Variants in ASPHD2 observed in about 807,000 individuals in gnomAD.
ASPHD2 encodes the protein aspartate beta-hydroxylase domain containing 2.
A neutral mutation model predicts 34.6 loss-of-function variants in ASPHD2; 12 were observed. The ratio of observed to expected loss-of-function variants is 0.35; its 90% CI spans 0.22 to 0.56. The LOEUF is 0.56. Ranked by LOEUF, ASPHD2 falls within the 20% of genes least tolerant of loss-of-function variation. ASPHD2 has a pLI of 0.87. For synonymous variants in ASPHD2, 224 were observed against 212.2 expected, an observed-to-expected ratio of 1.06 and a Z score of -0.48; for missense variants, 375 against 505.0, an observed-to-expected ratio of 0.74 and a Z score of 2.47.
intron 2 of ASPHD2, among the ~76,000 whole-genome samples, chr22:26,435,750 G>GAA (rs944638695): frequency 1.7e-5 from 1 of 59,488 alleles, no homozygotes; most frequent in African/African-American, 6.9e-5. Flanking sequence ...GAAAAGAAAA[G>GAA]AAAAGAAAAG....
At position 26,433,621 on chromosome 22, in the gene ASPHD2, G is replaced by A; in HGVS notation, c.6G>A (p.Val2=). 6.2e-7 allele frequency: 1 copy of A among 1,613,346 alleles called. No individual in the cohort carries two copies. The highest frequency in any genetic ancestry group is 2.2e-5 in the East Asian group (1 of 44,844). The change falls in exon 2 of 4, where the codon GTG becomes GTA. Residue 2 remains valine (V), a synonymous_variant. Transcript: ENST00000215906. The surrounding 1 kb of genome is among the most constrained non-coding windows in gnomAD (Gnocchi z 5.1). M[V]WAPLGPPRTD... is the part of the protein sequence containing the mutation. ...TCCCCCCCACGCTAATCTGCATGGT[G>A]TGGGCGCCCTTGGGACCCCCGAGGA... is the stretch of plus-strand genomic sequence containing the variant.
In ASPHD2 at chr22:26,438,644, T is replaced by C. The variant is rs374813588; in HGVS notation, c.887-3815T>C. On this transcript the variant is annotated intron_variant, in intron 2 of 3. Transcript: ENST00000215906. ...ACACACATATATATACATATATATATACACATACATATATATATATACACA... is the reference window on the plus strand; with the variant it reads ...ACACACATATATATACATATATATACACACATACATATATATATATACACA... 7.1e-3 allele frequency among the ~76,000 whole-genome samples: 668 copies of C among 94,228 alleles called. 9 individuals carry two copies. The highest frequency in any genetic ancestry group is 8.9e-3 in the Non-Finnish European group (416 of 46,820). The allele number at this position is 94,228 out of a possible 152,430, so 61.8% of individuals were successfully genotyped here.
At chr22:26,434,877 C>T (rs1409638066) in intron 2 of ASPHD2, among the ~76,000 whole-genome samples, 1 of 152,162 alleles carries the variant, frequency 6.6e-6, no homozygotes, top group Non-Finnish European at 1.5e-5. Context: ...ACACATACGG[C>T]TAGTGGCTAC....
chr22:26,438,516 C>CATATATACACATAT (rs2084810061), intron 2 of ASPHD2, among the ~76,000 whole-genome samples: 1 of 102,140 alleles, frequency 9.8e-6, no homozygotes, highest in African/African-American at 3.5e-5. Context: ...TATATACATA[C>CATATATACACATAT]ATATATATAC....
rs771020466 is a variant in ASPHD2, at chr22:26,442,473, A to G, written c.901A>G (p.Asn301Asp). The change falls in exon 3 of 4, where the codon AAT becomes GAT. Residue 301 changes from asparagine to aspartate, a missense_variant. Asn to Asp is a conservative substitution (Grantham distance 23). This residue lies in a region of ASPHD2 where 142 missense variants were observed against 217.9 expected (regional missense o/e 0.65). Coordinates refer to ENST00000215906, the MANE Select transcript of ASPHD2 (RefSeq NM_020437.5). Reference sequence around the variant, plus strand: ...TTTCCTACAAGGTCTGAAAACTCCAAATGGCTGTGAGCTGGTGGTGGGGGG... The same window carrying G: ...TTTCCTACAAGGTCTGAAAACTCCAGATGGCTGTGAGCTGGTGGTGGGGGG... Reference protein sequence around the residue: ...IRCHLGLKTPNGCELVVGGEP... With the variant: ...IRCHLGLKTPDGCELVVGGEP... 1 of 1,597,294 alleles carries G rather than the reference A, an allele frequency of 6.3e-7. No homozygotes were observed. The highest frequency in any genetic ancestry group is 2.2e-5 in the East Asian group (1 of 44,558).
chr22:26,440,366 G>A (rs957739932), intron 2 of ASPHD2, among the ~76,000 whole-genome samples: 2 of 151,782 alleles, frequency 1.3e-5, no homozygotes, highest in Admixed American at 1.3e-4. Context: ...GCAGTGGTGC[G>A]ATTCGCCCAG....
rs73160848 is a variant in ASPHD2 at position 26,429,810 on chromosome 22, C to T, written c.-225+324C>T. On this transcript the variant is annotated intron_variant, in intron 1 of 3. Coordinates refer to ENST00000215906, the MANE Select transcript of ASPHD2 (RefSeq NM_020437.5). This position sits in a 1 kb window ranked among gnomAD's most constrained non-coding sequence, Gnocchi z 4.5. ...TTCTCCCCTGTGACCCCTCTTTCCT[C>T]ACCTCCTGTCCCCTCCCCCAGCCCT... 0.24 allele frequency among the ~76,000 whole-genome samples: 37,052 copies of T among 151,674 alleles called. 4,675 individuals are homozygous for T. The highest frequency in any genetic ancestry group is 0.4 in the South Asian group (1,918 of 4,794).
intron 1 of ASPHD2, among the ~76,000 whole-genome samples, chr22:26,431,414 AAAG>A (rs1287114489): frequency 3.8e-5 from 1 of 26,568 alleles, no homozygotes; most frequent in African/African-American, 7.7e-5. Context: ...AATGTGTGGG[AAAG>A]AAAAAAAAAA....
chr22:26,434,949 A>G (rs947470885), intron 2 of ASPHD2, among the ~76,000 whole-genome samples: 1 of 152,338 alleles, frequency 6.6e-6, no homozygotes, highest in East Asian at 1.9e-4. Flanking sequence ...GAGCTTCATA[A>G]TGATGTCCAG....
In ASPHD2 at chr22:26,433,936, C is replaced by T. The variant is rs543820639; in HGVS notation, c.321C>T (p.Tyr107=). 1.4e-5 allele frequency: 23 copies of T among 1,613,508 alleles called. No individual in the cohort carries two copies. Among genetic ancestry groups the T allele is most frequent in the Non-Finnish European group, 1.9e-5 (23 of 1,180,046 alleles). ...ACGGGCTGCAGAATGGCTACGTGTA[C>T]TGCCAGTCCCCTGAGTGCGTGCGCT... ...DANGLQNGYV[Y]CQSPECVRCT... The change falls in exon 2 of 4, where the codon TAC becomes TAT. Residue 107 remains tyrosine (Y), a synonymous_variant. Coordinates refer to ENST00000215906, the MANE Select transcript of ASPHD2 (RefSeq NM_020437.5). The surrounding 1 kb of genome is among the most constrained non-coding windows in gnomAD (Gnocchi z 5.1).
chr22:26,441,033 A>C (rs1264828619), intron 2 of ASPHD2, among the ~76,000 whole-genome samples: 1 of 151,966 alleles, frequency 6.6e-6, no homozygotes, highest in Non-Finnish European at 1.5e-5. Flanking sequence ...GAGTGCAGTG[A>C]AGATCTAGAT....
In ASPHD2 at chr22:26,442,580, G is replaced by A; in HGVS notation, c.1000+8G>A. The A allele has an allele frequency of 6.4e-7, 1 of 1,567,580 alleles. No individual in the cohort carries two copies. The highest frequency in any genetic ancestry group is 8.7e-7 in the Non-Finnish European group (1 of 1,152,088). ...ATGCTGCGTTCCATGAAGGTGAGTG[G>A]CTGCCTTTCCCACTTCCTTTTTTTC... On this transcript the variant is annotated splice_region_variant and intron_variant, in intron 3 of 3. Transcript: ENST00000215906.
intron 2 of ASPHD2, among the ~76,000 whole-genome samples, chr22:26,439,137 G>A (rs1601704034): frequency 1.3e-5 from 2 of 152,264 alleles, no homozygotes; most frequent in East Asian, 3.9e-4. Context: ...AGTGGCTCAA[G>A]CCTGTAATCC....
chr22:26,442,492 TG>T lies in ASPHD2; in HGVS notation c.926del (p.Gly309GlufsTer147). The T allele has an allele frequency of 1.2e-6, 2 of 1,608,830 alleles. No individual in the cohort carries two copies. Among genetic ancestry groups the T allele is most frequent in the Admixed American group, 1.7e-5 (1 of 58,844 alleles). ...LKTPNGCELV[V>X]GGEPQCWAEG... ...ACTCCAAATGGCTGTGAGCTGGTGG[TG>T]GGGGGAGAGCCCCAGTGCTGGGCAG... On this transcript the variant is annotated frameshift_variant, in exon 3 of 4. Coordinates refer to ENST00000215906, the MANE Select transcript of ASPHD2 (RefSeq NM_020437.5). LOFTEE classifies it high-confidence loss of function.
At chr22:26,432,541 G>A (rs184174870) in intron 1 of ASPHD2, among the ~76,000 whole-genome samples, 2 of 152,196 alleles carry the variant, frequency 1.3e-5, no homozygotes, top group Admixed American at 1.3e-4. Context: ...ATGACATTCA[G>A]GCCCTTTTAG....
chr22:26,438,644 TAC>T (rs1265684721), intron 2 of ASPHD2, among the ~76,000 whole-genome samples: 3 of 94,466 alleles, frequency 3.2e-5, no homozygotes, highest in Admixed American at 1.1e-4. Context: ...CATATATATA[TAC>T]ACATACATAT....
chr22:26,438,694 C>CAT (rs1433394224), intron 2 of ASPHD2, among the ~76,000 whole-genome samples: 3 of 137,820 alleles, frequency 2.2e-5, no homozygotes, highest in South Asian at 2.3e-4. Flanking sequence ...CACACACACA[C>CAT]ATATATATAT....
rs1207243453 is a variant in ASPHD2 at position 26,438,460 on chromosome 22, TACAC to T, written c.886+3967_886+3970del. Among the ~76,000 whole-genome samples the T allele has an allele frequency of 6.0e-5, 5 of 82,932 alleles. No individual in the cohort carries two copies. In the South Asian group the frequency reaches 3.1e-3, roughly 51 times the overall value. 54.4% of individuals were successfully genotyped at this position (82,932 alleles called of 152,430 possible). On this transcript the variant is annotated intron_variant, in intron 2 of 3. Coordinates refer to ENST00000215906, the MANE Select transcript of ASPHD2 (RefSeq NM_020437.5). The stretch of plus-strand genomic sequence containing the variant: ...ACACATACATATATATACATATATA[TACAC>T]ACACACATATATATACATATATATA...
At chr22:26,442,622 T>C in intron 3 of ASPHD2, 50 bp downstream of exon 3, 1 of 1,427,390 alleles carries the variant, frequency 7.0e-7, no homozygotes. Flanking sequence ...TAGACTTTTA[T>C]TTTTTTAGAG....
Sources: allele counts gnomAD v4.1 joint callset (sites outside exome capture counted in the v4.1 genomes callset), GRCh38; gene constraint gnomAD v4.1.1; regional missense constraint gnomAD v4.1.1; non-coding constraint Gnocchi (gnomAD v3.1); transcripts MANE v1.5; gene names NCBI Gene and HGNC (gene_info 2026-07-23, HGNC 2026-07-21).